Variants in PDE1C observed in about 807,000 individuals in gnomAD.
PDE1C encodes phosphodiesterase 1C, also known as dual specificity calcium/calmodulin-dependent 3',5'-cyclic nucleotide phosphodiesterase 1C.
PDE1C carries 62 observed loss-of-function variants against 93.1 expected under a neutral mutation model. That is an observed-to-expected ratio of 0.67 (90% confidence interval 0.54 to 0.82). PDE1C has a LOEUF of 0.82. Ranked by LOEUF, PDE1C falls within the 40% of genes least tolerant of loss-of-function variation. The pLI is 0.00. For synonymous variants in PDE1C, 325 were observed against 310.1 expected (o/e 1.05, Z -0.50); for missense variants, 742 against 884.6 (o/e 0.84, Z 2.04).
chr7:31,672,782 G>A, the PDE1C span, among the ~76,000 whole-genome samples: 4 of 152,152 alleles, frequency 2.6e-5, no homozygotes, highest in African/African-American at 4.8e-5. Context: ...TATAGTGAGG[G>A]TGATATGGTT....
intron 2 of PDE1C, among the ~76,000 whole-genome samples, chr7:31,981,201 T>C (rs981210626): frequency 6.6e-6 from 1 of 152,184 alleles, no homozygotes; most frequent in Admixed American, 6.5e-5. Context: ...ATAAGCTATG[T>C]CAGGCTATAG....
chr7:31,757,288 T>C (rs977836769), intron 17 of PDE1C, among the ~76,000 whole-genome samples: 3 of 152,246 alleles, frequency 2.0e-5, no homozygotes, highest in African/African-American at 7.2e-5. Context: ...GCAGTGGTTA[T>C]CTCTGAGTAG....
At chr7:31,642,941 G>A in the PDE1C span, 3 of 1,614,040 alleles carry the variant, frequency 1.9e-6, no homozygotes, top group East Asian at 2.2e-5. Flanking sequence ...GACATGGCCT[G>A]TGCCAAGACC....
intron 3 of PDE1C, among the ~76,000 whole-genome samples, chr7:32,083,853 A>C (rs1330551289): frequency 1.3e-5 from 2 of 152,220 alleles, no homozygotes; most frequent in Admixed American, 6.5e-5. Context: ...TAAAGGAAGC[A>C]CTAAACATGG....
chr7:32,368,200 C>A (rs1302682414), intron 1 of PDE1C, among the ~76,000 whole-genome samples: 2 of 151,866 alleles, frequency 1.3e-5, no homozygotes, highest in African/African-American at 4.8e-5. Context: ...TCAGATTGTC[C>A]CTGCTTGCAG....
intron 1 of PDE1C, among the ~76,000 whole-genome samples, chr7:32,232,124 A>C (rs1807741712): frequency 6.6e-6 from 1 of 152,168 alleles, no homozygotes; most frequent in South Asian, 2.1e-4. Context: ...TGAAAACAAT[A>C]GTAGCAGACA....
the PDE1C span, chr7:31,642,936 G>A: frequency 3.7e-6 from 6 of 1,614,042 alleles, no homozygotes; most frequent in South Asian, 5.5e-5. Context: ...TCCCAGACAT[G>A]GCCTGTGCCA....
chr7:32,328,504 C>T (rs954317820), intron 1 of PDE1C, among the ~76,000 whole-genome samples: 1 of 152,170 alleles, frequency 6.6e-6, no homozygotes, highest in Admixed American at 6.5e-5. Context: ...TTCACCTTAC[C>T]AACCACGCTC....
At chr7:32,047,083 G>T (rs1490505602) in intron 2 of PDE1C, among the ~76,000 whole-genome samples, 1 of 151,712 alleles carries the variant, frequency 6.6e-6, no homozygotes, top group Non-Finnish European at 1.5e-5. Context: ...GTGTGTGTGT[G>T]TGTGTGTGTT....
At chr7:32,197,192 T>C (rs1804686196) in intron 2 of PDE1C, among the ~76,000 whole-genome samples, 1 of 152,184 alleles carries the variant, frequency 6.6e-6, no homozygotes, top group African/African-American at 2.4e-5. Context: ...AATAAGCATA[T>C]TAAAATATGC....
intron 2 of PDE1C, among the ~76,000 whole-genome samples, chr7:31,984,900 T>C (rs1479635683): frequency 1.3e-5 from 2 of 152,136 alleles, no homozygotes; most frequent in African/African-American, 2.4e-5. Flanking sequence ...AAGCCCCAGG[T>C]TGGAAATCTA....
At chr7:32,289,627 A>C (rs982530906) in intron 1 of PDE1C, among the ~76,000 whole-genome samples, 2 of 152,220 alleles carry the variant, frequency 1.3e-5, no homozygotes, top group African/African-American at 4.8e-5. Context: ...CAAAAAAAAA[A>C]TTAAGCCAGG....
At chr7:32,261,995 T>C (rs1810238089) in intron 1 of PDE1C, among the ~76,000 whole-genome samples, 1 of 142,042 alleles carries the variant, frequency 7.0e-6, no homozygotes, top group Non-Finnish European at 1.5e-5. Context: ...ACACCAGGGG[T>C]TGCTTTGGGA....
intron 1 of PDE1C, among the ~76,000 whole-genome samples, chr7:32,390,992 T>C (rs775156360): frequency 2.6e-5 from 4 of 151,746 alleles, no homozygotes; most frequent in African/African-American, 9.7e-5. Context: ...ACACCAGCAA[T>C]TTAGAAAACA....
At chr7:31,619,823 C>T in the PDE1C span, among the ~76,000 whole-genome samples, 7 of 152,262 alleles carry the variant, frequency 4.6e-5, no homozygotes, top group Admixed American at 2.0e-4. Flanking sequence ...CCTCGGGAAG[C>T]GCAAGGGGTC....
chr7:32,008,540 A>T (rs1246636491), intron 2 of PDE1C, among the ~76,000 whole-genome samples: 1 of 152,212 alleles, frequency 6.6e-6, no homozygotes, highest in Non-Finnish European at 1.5e-5. Context: ...ACTATTTCAT[A>T]GGTCACCAAC....
chr7:32,407,889 G>C (rs1449935585), intron 1 of PDE1C, among the ~76,000 whole-genome samples: 1 of 152,126 alleles, frequency 6.6e-6, no homozygotes, highest in South Asian at 2.1e-4. Flanking sequence ...TGCACAGGTA[G>C]TGTGGACCTC....
At chr7:32,145,340 A>G (rs931027493) in intron 3 of PDE1C, among the ~76,000 whole-genome samples, 3 of 152,188 alleles carry the variant, frequency 2.0e-5, no homozygotes, top group Non-Finnish European at 1.5e-5. Context: ...CAACAGAGTA[A>G]TGATGCTTCA....
chr7:32,208,678 G>A (rs748689770), intron 2 of PDE1C, among the ~76,000 whole-genome samples: 16 of 151,962 alleles, frequency 1.1e-4, no homozygotes, highest in South Asian at 4.2e-4. Flanking sequence ...TTTGGGGAGC[G>A]TCTCCACTCC....
Sources: gnomAD v4.1 joint callset for allele counts (sites outside exome capture counted in the v4.1 genomes callset) on GRCh38, gnomAD v4.1.1 for gene constraint, MANE v1.5 for transcripts, NCBI Gene and HGNC (gene_info 2026-07-23, HGNC 2026-07-21) for gene names.